EVA1C: variants seen among roughly 807,000 people sequenced by gnomAD.
EVA1C encodes protein eva-1 homolog C.
In EVA1C, 25 loss-of-function variants were observed where a neutral mutation model predicts 45.4. That is an observed-to-expected ratio of 0.55 (90% CI 0.40 to 0.77). The LOEUF (loss-of-function observed/expected upper bound fraction) is 0.77, where lower values mean the gene tolerates loss of function less well. Ranked by LOEUF, EVA1C falls within the 30% of genes least tolerant of loss-of-function variation. EVA1C has a pLI of 0.00. For synonymous variants in EVA1C, 190 were observed against 221.2 expected (o/e 0.86, Z 1.25); for missense variants, 479 against 554.8 (o/e 0.86, Z 1.37).
intron 4 of EVA1C, among the ~76,000 whole-genome samples, chr21:32,472,592 C>T (rs2036416416): frequency 6.6e-6 from 1 of 151,854 alleles, no homozygotes; most frequent in African/African-American, 2.4e-5. Flanking sequence ...GCTATGATCG[C>T]ACCTCTGCAC....
intron 1 of EVA1C, 49 bp downstream of exon 1, chr21:32,413,062 A>T (rs2033892995): frequency 1.5e-6 from 2 of 1,317,708 alleles, no homozygotes; most frequent in Middle Eastern, 2.0e-4. Context: ...CGGAGCGCCC[A>T]GGTGAACCCT....
chr21:32,464,370 C>T (rs1207425971), intron 3 of EVA1C, among the ~76,000 whole-genome samples: 3 of 152,134 alleles, frequency 2.0e-5, no homozygotes, highest in South Asian at 2.1e-4. Flanking sequence ...TGAATGTTCC[C>T]GTCCTCATGG....
At chr21:32,423,730 T>C in intron 1 of EVA1C, among the ~76,000 whole-genome samples, 1 of 152,148 alleles carries the variant, frequency 6.6e-6, no homozygotes, top group East Asian at 1.9e-4. Context: ...ACTAACAAGT[T>C]AGAGAATGAA....
At chr21:32,472,633 C>T (rs556445360) in intron 4 of EVA1C, among the ~76,000 whole-genome samples, 1 of 151,192 alleles carries the variant, frequency 6.6e-6, no homozygotes, top group South Asian at 2.1e-4. Context: ...AAGACCCTGT[C>T]TCTTAAAAGA....
intron 1 of EVA1C, among the ~76,000 whole-genome samples, chr21:32,413,777 G>C (rs73903324): frequency 0.016 from 2,512 of 152,290 alleles, 66 homozygotes; most frequent in African/African-American, 0.058. Context: ...TTAAGTTAGC[G>C]CTGCAGTTGC....
chr21:32,506,232 G>A (rs2037718369), intron 7 of EVA1C, among the ~76,000 whole-genome samples: 1 of 147,782 alleles, frequency 6.8e-6, no homozygotes, highest in Admixed American at 6.9e-5. Flanking sequence ...ATCTTATTTT[G>A]TGTGGTATCC....
chr21:32,442,149 G>A (rs1300479077), intron 1 of EVA1C, among the ~76,000 whole-genome samples: 1 of 152,186 alleles, frequency 6.6e-6, no homozygotes, highest in Non-Finnish European at 1.5e-5. Context: ...TCTCTGCCTT[G>A]TCTGGACTCT....
At chr21:32,441,836 A>G (rs1051592027) in intron 1 of EVA1C, among the ~76,000 whole-genome samples, 3 of 152,202 alleles carry the variant, frequency 2.0e-5, no homozygotes, top group Non-Finnish European at 2.9e-5. Context: ...TAACTACAAG[A>G]ATTCAAAGTC....
At chr21:32,486,189 T>C (rs2036967924) in intron 4 of EVA1C, among the ~76,000 whole-genome samples, 1 of 152,202 alleles carries the variant, frequency 6.6e-6, no homozygotes, top group South Asian at 2.1e-4. Flanking sequence ...AGTGGCATGA[T>C]CTTGGCTTAC....
At chr21:32,458,076 C>A (rs1176322956) in intron 3 of EVA1C, among the ~76,000 whole-genome samples, 1 of 152,298 alleles carries the variant, frequency 6.6e-6, no homozygotes, top group East Asian at 1.9e-4. Flanking sequence ...TTCTGCGTTT[C>A]AGAGGTGTCT....
chr21:32,413,266 A>G (rs888630913), intron 1 of EVA1C, among the ~76,000 whole-genome samples: 1 of 152,216 alleles, frequency 6.6e-6, no homozygotes, highest in Non-Finnish European at 1.5e-5. Flanking sequence ...GACCTCGTCA[A>G]TTTCCTAGCA....
At chr21:32,467,348 A>T (rs1172691517) in intron 3 of EVA1C, among the ~76,000 whole-genome samples, 3 of 152,120 alleles carry the variant, frequency 2.0e-5, no homozygotes, top group Non-Finnish European at 4.4e-5. Context: ...CCCTTCAGTG[A>T]AGGAATGTGT....
intron 1 of EVA1C, among the ~76,000 whole-genome samples, chr21:32,434,058 G>A (rs929266670): frequency 2.6e-5 from 4 of 152,078 alleles, no homozygotes; most frequent in Admixed American, 6.5e-5. Context: ...AGTTTGGGAG[G>A]CCGAGGTGGG....
intron 7 of EVA1C, among the ~76,000 whole-genome samples, chr21:32,514,044 T>G (rs1267321202): frequency 6.6e-6 from 1 of 152,196 alleles, no homozygotes; most frequent in Non-Finnish European, 1.5e-5. Flanking sequence ...TTGCATTAGC[T>G]ATTACAAGTA....
In EVA1C at chr21:32,515,269, G is replaced by A. The variant is rs551936552; in HGVS notation, c.*79G>A. 4.6e-4 allele frequency: 660 copies of A among 1,441,572 alleles called. 1 individual carries two copies. Among genetic ancestry groups the A allele is most frequent in the Admixed American group, 4.6e-4 (20 of 43,256 alleles). 89.3% of individuals were successfully genotyped at this position (1,441,572 alleles called of 1,614,324 possible). A position where few individuals can be genotyped will look rare whatever the true frequency, so the allele number is the denominator to read the frequency against. On this transcript the variant is annotated 3_prime_UTR_variant, in exon 8 of 8. Coordinates refer to ENST00000300255, the MANE Select transcript of EVA1C (RefSeq NM_058187.5). Reference sequence around the variant, plus strand: ...ATGCCCCTCCAGTTCTGGTTCACCTGTACCTTCTATGAAGGAGAATTCGTC... The same window carrying A: ...ATGCCCCTCCAGTTCTGGTTCACCTATACCTTCTATGAAGGAGAATTCGTC...
chr21:32,456,856 A>G (rs2035799794), intron 2 of EVA1C, among the ~76,000 whole-genome samples: 1 of 152,140 alleles, frequency 6.6e-6, no homozygotes, highest in African/African-American at 2.4e-5. Flanking sequence ...GTGTTCTGTG[A>G]GCTTCCACAG....
intron 5 of EVA1C, chr21:32,497,307 G>C: frequency 1.5e-6 from 1 of 657,900 alleles, no homozygotes; most frequent in South Asian, 1.5e-5. Context: ...TTGGCAGAAA[G>C]TTGATATAGG....
At chr21:32,442,341 C>G (rs926404393) in intron 1 of EVA1C, among the ~76,000 whole-genome samples, 1 of 152,112 alleles carries the variant, frequency 6.6e-6, no homozygotes, top group African/African-American at 2.4e-5. Context: ...TAGTCTCACA[C>G]CTGGGACTAG....
intron 1 of EVA1C, among the ~76,000 whole-genome samples, chr21:32,432,529 G>T (rs1483917896): frequency 2.6e-5 from 4 of 152,140 alleles, no homozygotes. Context: ...CTGTCTAGAA[G>T]GGGTTTGGGG....
Sources: gnomAD v4.1 joint callset for allele counts (sites outside exome capture counted in the v4.1 genomes callset) on GRCh38, gnomAD v4.1.1 for gene constraint, MANE v1.5 for transcripts, NCBI Gene and HGNC (gene_info 2026-07-23, HGNC 2026-07-21) for gene names.